The following HCN1 variants were observed in gnomAD, a reference collection of about 807,000 sequenced individuals.
The protein encoded by HCN1 is hyperpolarization activated cyclic nucleotide gated potassium channel 1.
A neutral mutation model predicts 78.9 loss-of-function variants in HCN1; 13 were observed. The ratio of observed to expected loss-of-function variants is 0.16; its 90% CI spans 0.11 to 0.26. HCN1 has a LOEUF of 0.26. HCN1 is among the 10% of genes least tolerant of loss of function. The pLI, the probability that HCN1 is intolerant of heterozygous loss-of-function variation, is 1.00. For missense variants in HCN1, 810 were observed against 1,154.3 expected, an observed-to-expected ratio of 0.70 and a Z score of 4.32; for synonymous variants, 552 against 455.5, an observed-to-expected ratio of 1.21 and a Z score of -2.70.
At chr5:45,372,714 TA>T (rs929780502) in intron 4 of HCN1, among the ~76,000 whole-genome samples, 218 of 142,616 alleles carry the variant, frequency 1.5e-3, no homozygotes, top group South Asian at 8.9e-3. Context: ...TATTTATATA[TA>T]AAAATATATA....
At chr5:45,623,697 G>A (rs1198627033) in intron 2 of HCN1, among the ~76,000 whole-genome samples, 2 of 152,098 alleles carry the variant, frequency 1.3e-5, no homozygotes, top group Non-Finnish European at 2.9e-5. Context: ...CCTTTACGTT[G>A]TTTTAGGCAA....
intron 5 of HCN1, among the ~76,000 whole-genome samples, chr5:45,332,761 T>C (rs967074146): frequency 6.6e-6 from 1 of 151,716 alleles, no homozygotes; most frequent in Non-Finnish European, 1.5e-5. Context: ...TGTGTCTGGC[T>C]TATTTCACTT....
At chr5:45,460,888 C>T (rs1042865888) in intron 3 of HCN1, among the ~76,000 whole-genome samples, 1 of 149,526 alleles carries the variant, frequency 6.7e-6, no homozygotes, top group African/African-American at 2.5e-5. Flanking sequence ...AAAAATAAGC[C>T]AACAAATCAA....
intron 2 of HCN1, among the ~76,000 whole-genome samples, chr5:45,466,390 G>T (rs1196235398): frequency 6.6e-6 from 1 of 151,898 alleles, no homozygotes; most frequent in East Asian, 1.9e-4. Context: ...TTACATACTG[G>T]GATAATTTCT....
intron 2 of HCN1, chr5:45,641,764 A>G (rs1745458937): frequency 6.6e-6 from 1 of 152,202 alleles, no homozygotes; most frequent in African/African-American, 2.4e-5. Context: ...TCCTGTTGAT[A>G]AAATGACTGA....
At chr5:45,514,276 A>C (rs1742477308) in intron 2 of HCN1, among the ~76,000 whole-genome samples, 1 of 152,054 alleles carries the variant, frequency 6.6e-6, no homozygotes, top group Admixed American at 6.6e-5. Context: ...TTAAAAGTCT[A>C]CCTCAAACAC....
chr5:45,291,634 T>C (rs541277527), intron 6 of HCN1, among the ~76,000 whole-genome samples: 8 of 152,142 alleles, frequency 5.3e-5, no homozygotes, highest in Admixed American at 1.3e-4. Context: ...AACCTCCATC[T>C]CCTCAAGGGA....
chr5:45,481,387 T>A (rs1245654651), intron 2 of HCN1, among the ~76,000 whole-genome samples: 2 of 152,182 alleles, frequency 1.3e-5, no homozygotes, highest in Non-Finnish European at 2.9e-5. Flanking sequence ...TATGGCTCCT[T>A]TGCATTTTTT....
chr5:45,695,582 C>A (rs1324248146), intron 1 of HCN1, 87 bp downstream of exon 1: 2 of 1,340,678 alleles, frequency 1.5e-6, no homozygotes, highest in Non-Finnish European at 2.1e-6. Context: ...CCCTCCTAGT[C>A]CCCGGGACGC....
chr5:45,673,015 G>A (rs1746184245), intron 1 of HCN1, among the ~76,000 whole-genome samples: 2 of 151,348 alleles, frequency 1.3e-5, no homozygotes, highest in Non-Finnish European at 3.0e-5. Flanking sequence ...TCCATTCTCT[G>A]TTCCAGCATG....
chr5:45,550,546 A>T (rs1483263848), intron 2 of HCN1, among the ~76,000 whole-genome samples: 1 of 152,098 alleles, frequency 6.6e-6, no homozygotes, highest in Admixed American at 6.6e-5. Flanking sequence ...ACCTAATGTA[A>T]ATGACGAGTT....
intron 2 of HCN1, among the ~76,000 whole-genome samples, chr5:45,612,598 A>G (rs1196460644): frequency 1.3e-5 from 2 of 152,116 alleles, no homozygotes; most frequent in African/African-American, 2.4e-5. Context: ...ATTGACTTGT[A>G]TCAGATCATG....
intron 4 of HCN1, among the ~76,000 whole-genome samples, chr5:45,375,473 GATC>G (rs1347655294): frequency 1.1e-5 from 1 of 87,156 alleles, no homozygotes; most frequent in Non-Finnish European, 1.9e-5. Context: ...TGATATATAA[GATC>G]ATATTTTATG....
rs137933394 is a variant in HCN1, at chr5:45,341,114, T to C, written c.1377+11986A>G. ...CCTGATACTGTTTTGTAAAGAATGC[T>C]TCACAGAAACTTTATGGAAACAATG... On this transcript the variant is annotated intron_variant, in intron 5 of 7. Transcript: ENST00000303230. Among the ~76,000 whole-genome samples, 768 of 152,342 alleles carry C rather than the reference T, an allele frequency of 5.0e-3. 1 individual carries two copies. Among genetic ancestry groups the C allele is most frequent in the African/African-American group, 0.018 (734 of 41,588 alleles).
At chr5:45,421,286 TCTC>T (rs1740222655) in intron 3 of HCN1, among the ~76,000 whole-genome samples, 1 of 152,052 alleles carries the variant, frequency 6.6e-6, no homozygotes, top group African/African-American at 2.4e-5. Context: ...ATGGTCTCGA[TCTC>T]CTGATCTCGT....
chr5:45,529,743 C>T lies in HCN1; in HGVS notation c.850-67736G>A, dbSNP rs577082974. On this transcript the variant is annotated intron_variant, in intron 2 of 7. Transcript: ENST00000303230. ...TAAGGAAATCTAGTATTCCCCACAG[C>T]TGTCAATCACTTTTGATGTTTCATT... Among the ~76,000 whole-genome samples, 121 of 152,158 alleles carry T rather than the reference C, an allele frequency of 8.0e-4. 1 individual carries two copies. The highest frequency in any genetic ancestry group is 3.4e-3 in the Middle Eastern group (1 of 294).
intron 2 of HCN1, among the ~76,000 whole-genome samples, chr5:45,525,780 T>C (rs1395768873): frequency 1.3e-5 from 2 of 151,976 alleles, no homozygotes; most frequent in Non-Finnish European, 2.9e-5. Flanking sequence ...GTGCTCACTA[T>C]AATATTTAGT....
intron 4 of HCN1, among the ~76,000 whole-genome samples, chr5:45,371,754 C>G (rs533369562): frequency 7.2e-6 from 1 of 138,980 alleles, no homozygotes; most frequent in East Asian, 2.0e-4. Context: ...GAGACTCCAT[C>G]TCAAAAAAAA....
chr5:45,379,231 C>T (rs1241238543), intron 4 of HCN1, among the ~76,000 whole-genome samples: 1 of 152,076 alleles, frequency 6.6e-6, no homozygotes, highest in Non-Finnish European at 1.5e-5. Context: ...AGTTTACAGT[C>T]CCACCAACAG....
Sources: allele counts gnomAD v4.1 joint callset (sites outside exome capture counted in the v4.1 genomes callset), GRCh38; gene constraint gnomAD v4.1.1; transcripts MANE v1.5; gene names NCBI Gene and HGNC (gene_info 2026-07-23, HGNC 2026-07-21).